CLSTN2: variants seen among roughly 807,000 people sequenced by gnomAD.
CLSTN2 encodes the protein calsyntenin-2.
Under a neutral mutation model 101.2 loss-of-function variants are expected in CLSTN2, and 48 were observed. That is an observed-to-expected ratio of 0.47 (90% CI 0.38 to 0.60). The LOEUF (loss-of-function observed/expected upper bound fraction) is 0.60, where lower values mean the gene tolerates loss of function less well. Among genes scored for constraint, CLSTN2 ranks in the 20% least tolerant of loss-of-function variants. The pLI is 0.00. For synonymous variants in CLSTN2, 481 were observed against 463.6 expected (o/e 1.04, Z -0.48); for missense variants, 1,160 against 1,238.2 (o/e 0.94, Z 0.95).
At chr3:140,029,758 C>G (rs2007507462) in intron 1 of CLSTN2, among the ~76,000 whole-genome samples, 1 of 152,086 alleles carries the variant, frequency 6.6e-6, no homozygotes, top group Non-Finnish European at 1.5e-5. Flanking sequence ...GGGGTATTTT[C>G]ACCTCTTGTC....
chr3:140,307,635 CCCATTAA>C (rs1168807130), intron 2 of CLSTN2, among the ~76,000 whole-genome samples: 1 of 152,168 alleles, frequency 6.6e-6, no homozygotes, highest in Non-Finnish European at 1.5e-5. Flanking sequence ...ATAGAGGGTA[CCCATTAA>C]ATGTTCATTG....
In CLSTN2 at chr3:140,194,357, C is replaced by T. The variant is rs573643654; in HGVS notation, c.232+18284C>T. ...GGCACTAATTCCATTCATAAGGGCT[C>T]TTACCTCATGACCTAAGCACCTCTC... On this transcript the variant is annotated intron_variant, in intron 2 of 16. Transcript: ENST00000458420. Among the ~76,000 whole-genome samples, 3 of 152,014 alleles carry T rather than the reference C, an allele frequency of 2.0e-5. No homozygotes were observed. The South Asian group carries it at 6.2e-4, about 32-fold the overall frequency.
In CLSTN2 at chr3:140,445,323, A is replaced by G. The variant is rs191070915; in HGVS notation, c.788-3196A>G. Among the ~76,000 whole-genome samples the G allele has an allele frequency of 3.9e-5, 6 of 152,346 alleles. No homozygotes were observed. In the East Asian group the frequency reaches 9.6e-4, roughly 24 times the overall value. On this transcript the variant is annotated intron_variant, in intron 5 of 16. Transcript: ENST00000458420. ...GAGGTGGAATTTCTCATCATAGATA[A>G]CCACCAAAATATCTAGACGAGAAAG...
In CLSTN2 at chr3:140,390,403, T is replaced by C. The variant is rs182744962; in HGVS notation, c.233-13226T>C. Among the ~76,000 whole-genome samples, 156 of 152,348 alleles carry C rather than the reference T, an allele frequency of 1.0e-3. 1 individual carries two copies. The highest frequency in any genetic ancestry group is 5.2e-4 in the Admixed American group (8 of 15,302). On this transcript the variant is annotated intron_variant, in intron 2 of 16. Transcript: ENST00000458420. ...ACGTGTACTGTTTAATTTACAAATA[T>C]CTAAAGTTTTTCTAGATCTCTTTAT...
At chr3:140,509,899 C>T (rs540538335) in intron 8 of CLSTN2, among the ~76,000 whole-genome samples, 1 of 152,280 alleles carries the variant, frequency 6.6e-6, no homozygotes, top group Admixed American at 6.5e-5. Flanking sequence ...AATATAGATG[C>T]TCCTCAACTT....
At chr3:140,259,083 A>G (rs2086627384) in intron 2 of CLSTN2, among the ~76,000 whole-genome samples, 2 of 151,944 alleles carry the variant, frequency 1.3e-5, no homozygotes, top group African/African-American at 4.8e-5. Context: ...AATCCTTTTT[A>G]TACTTTTATC....
At chr3:139,992,783 G>A (rs945066118) in intron 1 of CLSTN2, among the ~76,000 whole-genome samples, 1 of 152,152 alleles carries the variant, frequency 6.6e-6, no homozygotes, top group Non-Finnish European at 1.5e-5. Flanking sequence ...GAGGAGGCTG[G>A]AAGGTACAGA....
chr3:139,941,683 G>A (rs906998650), intron 1 of CLSTN2, among the ~76,000 whole-genome samples: 2 of 152,284 alleles, frequency 1.3e-5, no homozygotes, highest in Middle Eastern at 3.4e-3. Flanking sequence ...TAGGCATTGG[G>A]TAAGCATATG....
chr3:140,000,060 A>T (rs1050163590), intron 1 of CLSTN2, among the ~76,000 whole-genome samples: 7 of 139,472 alleles, frequency 5.0e-5, no homozygotes, highest in Admixed American at 3.0e-4. Context: ...TGTGAGGATC[A>T]CTGTGATGGG....
intron 1 of CLSTN2, among the ~76,000 whole-genome samples, chr3:139,936,800 A>T (rs1443286199): frequency 6.6e-6 from 1 of 152,290 alleles, no homozygotes; most frequent in African/African-American, 2.4e-5. Flanking sequence ...TGTAATTTTT[A>T]AATTTTTTGG....
intron 1 of CLSTN2, among the ~76,000 whole-genome samples, chr3:140,046,126 C>T (rs1029577946): frequency 1.3e-5 from 2 of 152,084 alleles, no homozygotes; most frequent in African/African-American, 4.8e-5. Flanking sequence ...TAAAGTCTCC[C>T]ATTATTATTG....
intron 1 of CLSTN2, among the ~76,000 whole-genome samples, chr3:139,944,538 T>C (rs1191674770): frequency 1.3e-5 from 2 of 152,210 alleles, no homozygotes; most frequent in African/African-American, 2.4e-5. Flanking sequence ...ACCAGTCCTT[T>C]ATTTTCTCTG....
chr3:139,987,550 TCGGCTTAGA>T (rs1936046716), intron 1 of CLSTN2, among the ~76,000 whole-genome samples: 3 of 152,212 alleles, frequency 2.0e-5, no homozygotes, highest in Admixed American at 2.0e-4. Flanking sequence ...CATTATGCCA[TCGGCTTAGA>T]GCTTATATTG....
intron 4 of CLSTN2, 140 bp from the exon 5 acceptor site, chr3:140,420,985 T>G: frequency 1.1e-6 from 1 of 886,562 alleles, no homozygotes; most frequent in Non-Finnish European, 1.7e-6. Context: ...CATGCTCCTG[T>G]TTGCCCTTGT....
intron 1 of CLSTN2, among the ~76,000 whole-genome samples, chr3:139,936,584 C>T (rs921085466): frequency 3.0e-4 from 46 of 152,164 alleles, no homozygotes; most frequent in African/African-American, 1.1e-3. Context: ...AATAGATTCC[C>T]TGTTAGAGAC....
intron 2 of CLSTN2, among the ~76,000 whole-genome samples, chr3:140,339,573 C>T (rs2107935011): frequency 6.6e-6 from 1 of 152,262 alleles, no homozygotes; most frequent in South Asian, 2.1e-4. Flanking sequence ...AATGAGATCC[C>T]TGGGGCTGAG....
At chr3:140,244,366 A>G (rs1352518807) in intron 2 of CLSTN2, among the ~76,000 whole-genome samples, 3 of 152,150 alleles carry the variant, frequency 2.0e-5, no homozygotes, top group Non-Finnish European at 4.4e-5. Context: ...TCAGGGCATT[A>G]TGTAGTATGG....
chr3:140,427,229 G>GTA lies in CLSTN2; in HGVS notation c.787+5970_787+5971dup, dbSNP rs1273847419. 9.1e-3 allele frequency among the ~76,000 whole-genome samples: 664 copies of GTA among 72,640 alleles called. 10 individuals are homozygous for GTA. Among genetic ancestry groups the GTA allele is most frequent in the Non-Finnish European group, 0.012 (517 of 41,496 alleles). The allele number at this position is 72,640 out of a possible 152,430, so 47.7% of individuals were successfully genotyped here. ...TGTGTATATATATATATATATGTGT[G>GTA]TATATATATATATATACATATATAT... On this transcript the variant is annotated intron_variant, in intron 5 of 16. Transcript: ENST00000458420.
chr3:139,939,322 T>C (rs1935084668), intron 1 of CLSTN2, among the ~76,000 whole-genome samples: 1 of 152,190 alleles, frequency 6.6e-6, no homozygotes, highest in Non-Finnish European at 1.5e-5. Flanking sequence ...ATTTCACAGA[T>C]GAAGAAACAA....
Sources: allele counts gnomAD v4.1 joint callset (sites outside exome capture counted in the v4.1 genomes callset), GRCh38; gene constraint gnomAD v4.1.1; transcripts MANE v1.5; gene names NCBI Gene and HGNC (gene_info 2026-07-23, HGNC 2026-07-21).